Variants in LDLRAD4 observed in about 807,000 individuals in gnomAD.
LDLRAD4 encodes low density lipoprotein receptor class A domain containing 4.
A neutral mutation model predicts 17.0 loss-of-function variants in LDLRAD4; 5 were observed. The observed-to-expected ratio is 0.29, with a 90% CI of 0.15 to 0.62. The LOEUF is 0.62. Among genes scored for constraint, LDLRAD4 ranks in the 20% least tolerant of loss-of-function variants. The pLI, the probability that LDLRAD4 is intolerant of heterozygous loss-of-function variation, is 0.84. For missense variants in LDLRAD4, 340 were observed against 424.7 expected (o/e 0.80, Z 1.75); for synonymous variants, 168 against 171.8 (o/e 0.98, Z 0.17).
intron 2 of LDLRAD4, among the ~76,000 whole-genome samples, chr18:13,401,625 G>A (rs957563798): frequency 3.9e-5 from 6 of 152,188 alleles, no homozygotes; most frequent in Admixed American, 3.3e-4. Flanking sequence ...GACAGCCTGG[G>A]CCTGTCTTCA....
intron 1 of LDLRAD4, among the ~76,000 whole-genome samples, chr18:13,383,981 T>C (rs1489432442): frequency 6.6e-6 from 1 of 152,238 alleles, no homozygotes; most frequent in Non-Finnish European, 1.5e-5. Context: ...TATATAGGAA[T>C]AGGCACGTTA....
At chr18:13,585,763 G>A (rs1007936929) in intron 3 of LDLRAD4, among the ~76,000 whole-genome samples, 10 of 152,254 alleles carry the variant, frequency 6.6e-5, no homozygotes, top group Admixed American at 5.2e-4. Flanking sequence ...ACAAACTGGC[G>A]TTGTGTGGAG....
At chr18:13,466,644 A>G (rs1342759180) in intron 3 of LDLRAD4, among the ~76,000 whole-genome samples, 1 of 152,200 alleles carries the variant, frequency 6.6e-6, no homozygotes, top group Admixed American at 6.5e-5. Context: ...TTCTTCAACA[A>G]GATAAAAGGC....
At chr18:13,641,906 C>T in intron 4 of LDLRAD4, 1 of 985,544 alleles carries the variant, frequency 1.0e-6, no homozygotes, top group Non-Finnish European at 1.2e-6. Context: ...GCAGATGGAC[C>T]TGGCGGCGTT....
intron 1 of LDLRAD4, among the ~76,000 whole-genome samples, chr18:13,348,914 A>G (rs1401377991): frequency 6.6e-6 from 1 of 152,206 alleles, no homozygotes; most frequent in Non-Finnish European, 1.5e-5. Context: ...TGCTAAGACC[A>G]TTGGAAAAGC....
chr18:13,606,519 C>T (rs1257282207), intron 3 of LDLRAD4, among the ~76,000 whole-genome samples: 2 of 152,172 alleles, frequency 1.3e-5, no homozygotes, highest in Non-Finnish European at 2.9e-5. Context: ...TACCAGACGA[C>T]AGGGCTGGTG....
chr18:13,316,186 T>C (rs2080925641), intron 1 of LDLRAD4, among the ~76,000 whole-genome samples: 1 of 152,128 alleles, frequency 6.6e-6, no homozygotes, highest in Admixed American at 6.5e-5. Context: ...ACACCTGACA[T>C]GTCACTGCAA....
At chr18:13,502,222 T>A (rs1215826596) in intron 3 of LDLRAD4, among the ~76,000 whole-genome samples, 1 of 152,290 alleles carries the variant, frequency 6.6e-6, no homozygotes, top group Non-Finnish European at 1.5e-5. Flanking sequence ...GTTTTGATAC[T>A]CTTACTACTT....
intron 1 of LDLRAD4, among the ~76,000 whole-genome samples, chr18:13,282,742 G>A (rs1270693236): frequency 1.3e-5 from 2 of 152,206 alleles, no homozygotes; most frequent in Non-Finnish European, 2.9e-5. Context: ...CCATTCTGTG[G>A]TCTGGAGGAT....
chr18:13,370,714 T>TTTTTTTTTTTTTTG lies in LDLRAD4; in HGVS notation c.-382-16614_-382-16613insGTTTTTTTTTTTTT, dbSNP rs1555663221. Among the ~76,000 whole-genome samples the TTTTTTTTTTTTTTG allele has an allele frequency of 7.5e-4, 22 of 29,240 alleles. No homozygotes were observed. In the East Asian group the frequency reaches 8.8e-3, roughly 12 times the overall value. 19.2% of individuals were successfully genotyped at this position (29,240 alleles called of 152,430 possible). A position where few individuals can be genotyped will look rare whatever the true frequency, so the allele number is the denominator to read the frequency against. On this transcript the variant is annotated intron_variant, in intron 1 of 5. Coordinates refer to ENST00000359446, the Ensembl canonical transcript of LDLRAD4. ...GTCTCTTTCATGGTTTTTTGTTTTG[T>TTTTTTTTTTTTTTG]TTTTTTTTTTTTTTGAGATGGATTC...
intron 3 of LDLRAD4, among the ~76,000 whole-genome samples, chr18:13,439,350 G>A (rs1056578406): frequency 6.6e-6 from 1 of 152,154 alleles, no homozygotes; most frequent in Non-Finnish European, 1.5e-5. Flanking sequence ...AGTTACGTAT[G>A]TCCCCAATAT....
chr18:13,379,924 G>A (rs554353196), intron 1 of LDLRAD4, among the ~76,000 whole-genome samples: 2 of 152,244 alleles, frequency 1.3e-5, no homozygotes, highest in East Asian at 3.9e-4. Flanking sequence ...GAAGAAAGCT[G>A]GAGTGGGGGA....
At chr18:13,644,456 T>C (rs2042888596) in intron 5 of LDLRAD4, among the ~76,000 whole-genome samples, 1 of 146,950 alleles carries the variant, frequency 6.8e-6, no homozygotes, top group Admixed American at 6.8e-5. Context: ...TAGTCTCAGC[T>C]ACTCAGGAGG....
chr18:13,290,856 G>T (rs2045924763), intron 1 of LDLRAD4, among the ~76,000 whole-genome samples: 1 of 152,210 alleles, frequency 6.6e-6, no homozygotes, highest in African/African-American at 2.4e-5. Context: ...ATATCTGAGG[G>T]TGCAGTCTAC....
chr18:13,584,246 G>A (rs2094905294), intron 3 of LDLRAD4, among the ~76,000 whole-genome samples: 1 of 152,344 alleles, frequency 6.6e-6, no homozygotes, highest in Non-Finnish European at 1.5e-5. Flanking sequence ...CTTCATGACA[G>A]TCTTTCCCCC....
intron 1 of LDLRAD4, among the ~76,000 whole-genome samples, chr18:13,352,704 C>T (rs1180546443): frequency 2.6e-5 from 4 of 152,070 alleles, no homozygotes; most frequent in African/African-American, 9.7e-5. Context: ...CTGGAATTCT[C>T]GTAACATGTA....
At chr18:13,234,274 A>C (rs2042226650) in intron 1 of LDLRAD4, among the ~76,000 whole-genome samples, 1 of 151,918 alleles carries the variant, frequency 6.6e-6, no homozygotes, top group African/African-American at 2.4e-5. Context: ...CCCTCGCCGC[A>C]CAGGCCTCTG....
chr18:13,622,016 G>A lies in LDLRAD4; in HGVS notation c.336+745G>A, dbSNP rs542222216. On this transcript the variant is annotated intron_variant, in intron 4 of 5. Coordinates refer to ENST00000359446, the Ensembl canonical transcript of LDLRAD4. This position sits in a 1 kb window ranked among gnomAD's most constrained non-coding sequence, Gnocchi z 5.3. ...GAGGGTTAGGAGCGGTGAGTTCAGC[G>A]AGCGTATAAATCCTTGGCTTCCGTG... Among the ~76,000 whole-genome samples the A allele has an allele frequency of 3.9e-5, 6 of 152,294 alleles. No homozygotes were observed. The highest frequency in any genetic ancestry group is 1.4e-4 in the African/African-American group (6 of 41,552).
intron 4 of LDLRAD4, among the ~76,000 whole-genome samples, chr18:13,633,139 G>A (rs1016669927): frequency 6.6e-6 from 1 of 152,244 alleles, no homozygotes; most frequent in Non-Finnish European, 1.5e-5. Flanking sequence ...CAGTGGAGAG[G>A]AGACCTGCAG....
Sources: gnomAD v4.1 joint callset for allele counts (sites outside exome capture counted in the v4.1 genomes callset) on GRCh38, gnomAD v4.1.1 for gene constraint, Gnocchi (gnomAD v3.1) non-coding constraint, MANE v1.5 for transcripts, NCBI Gene and HGNC (gene_info 2026-07-23, HGNC 2026-07-21) for gene names.